Variants in CHMP4B observed in about 807,000 individuals in gnomAD.
The protein encoded by CHMP4B is SNF7 homolog associated with Alix 1.
CHMP4B carries 1 observed loss-of-function variant against 25.1 expected under a neutral mutation model. The observed-to-expected ratio is 0.04, with a 90% CI of 0.01 to 0.19. The LOEUF (loss-of-function observed/expected upper bound fraction) is 0.19, where lower values mean the gene tolerates loss of function less well. Among genes scored for constraint, CHMP4B ranks in the 10% least tolerant of loss-of-function variants. The pLI is 1.00. For synonymous variants in CHMP4B, 101 were observed against 115.6 expected (o/e 0.87, Z 0.81); for missense variants, 151 against 289.7 (o/e 0.52, Z 3.48).
chr20:33,836,110 A>G lies in CHMP4B; in HGVS notation c.191-12357A>G, dbSNP rs58454044. 7.0e-3 allele frequency among the ~76,000 whole-genome samples: 1,067 copies of G among 152,278 alleles called. 12 individuals are homozygous for G. Among genetic ancestry groups the G allele is most frequent in the African/African-American group, 0.025 (1,020 of 41,548 alleles). On this transcript the variant is annotated intron_variant, in intron 1 of 4. Coordinates refer to ENST00000217402, the MANE Select transcript of CHMP4B (RefSeq NM_176812.5). ...CCTTCGCTTTTTAAGCATATAGACTATAGTTATAACTGTTTTCATCTCTTT... is the reference window on the plus strand; with the variant it reads ...CCTTCGCTTTTTAAGCATATAGACTGTAGTTATAACTGTTTTCATCTCTTT...
At chr20:33,834,879 A>G (rs182912544) in intron 1 of CHMP4B, among the ~76,000 whole-genome samples, 192 of 152,170 alleles carry the variant, frequency 1.3e-3, no homozygotes, top group African/African-American at 4.3e-3. Flanking sequence ...AGCTGACTGC[A>G]ATAACCTCCA....
intron 2 of CHMP4B, 22 bp from the exon 3 acceptor site, chr20:33,850,930 T>G: frequency 6.5e-7 from 1 of 1,537,652 alleles, no homozygotes; most frequent in South Asian, 1.1e-5. Flanking sequence ...ATTGATATGA[T>G]ACCTGTCCAT....
At chr20:33,832,493 A>T (rs371581369) in intron 1 of CHMP4B, among the ~76,000 whole-genome samples, 181 of 152,298 alleles carry the variant, frequency 1.2e-3, no homozygotes, top group African/African-American at 4.1e-3. Flanking sequence ...TTTGCTTTTT[A>T]AAATATAACT....
At chr20:33,848,424 C>T (rs371159110) in intron 1 of CHMP4B, 43 bp from the exon 2 acceptor site, 1 of 1,606,528 alleles carries the variant, frequency 6.2e-7, no homozygotes, top group African/African-American at 1.3e-5. Context: ...GAACCTCACC[C>T]TGTGCCGGGA....
At chr20:33,846,174 T>C (rs983921805) in intron 1 of CHMP4B, among the ~76,000 whole-genome samples, 1 of 152,204 alleles carries the variant, frequency 6.6e-6, no homozygotes, top group Non-Finnish European at 1.5e-5. Flanking sequence ...GCAGGGACTT[T>C]GGGGTTCCAT....
At chr20:33,825,511 T>G (rs1038768953) in intron 1 of CHMP4B, among the ~76,000 whole-genome samples, 1 of 152,132 alleles carries the variant, frequency 6.6e-6, no homozygotes, top group Non-Finnish European at 1.5e-5. Flanking sequence ...GGTCTGAAAC[T>G]CTGGGCTTTT....
At chr20:33,830,933 G>GTTTTTTCTTTTTTTT (rs1979223562) in intron 1 of CHMP4B, among the ~76,000 whole-genome samples, 1 of 102,524 alleles carries the variant, frequency 9.8e-6, no homozygotes, top group African/African-American at 3.7e-5. Flanking sequence ...AAGGAACAGA[G>GTTTTTTCTTTTTTTT]TTTTTTTTTT....
In CHMP4B at chr20:33,829,702, A is replaced by G. The variant is rs185270288; in HGVS notation, c.190+18044A>G. On this transcript the variant is annotated intron_variant, in intron 1 of 4. Coordinates refer to ENST00000217402, the MANE Select transcript of CHMP4B (RefSeq NM_176812.5). Reference sequence around the variant, plus strand: ...ATGCACGTACAGCTCTGTAGTTGGTAGGAAAGGAGGAGGCTGTATCCAGAG... The same window carrying G: ...ATGCACGTACAGCTCTGTAGTTGGTGGGAAAGGAGGAGGCTGTATCCAGAG... 9.8e-4 allele frequency among the ~76,000 whole-genome samples: 149 copies of G among 152,358 alleles called. 2 individuals carry two copies. Among genetic ancestry groups the G allele is most frequent in the Non-Finnish European group, 3.5e-4 (24 of 68,038 alleles).
chr20:33,814,954 T>G (rs1978743299), intron 1 of CHMP4B, among the ~76,000 whole-genome samples: 1 of 151,794 alleles, frequency 6.6e-6, no homozygotes, highest in African/African-American at 2.4e-5. Context: ...CTTGGCTGGC[T>G]TTTAAAGCAG....
In CHMP4B at chr20:33,811,457, C is replaced by A. The variant is rs376684391; in HGVS notation, c.-12C>A. The A allele has an allele frequency of 1.8e-4, 269 of 1,510,654 alleles. 1 individual carries two copies. In the African/African-American group the frequency reaches 3.2e-3, roughly 18 times the overall value. The allele number at this position is 1,510,654 out of a possible 1,614,324, so 93.6% of individuals were successfully genotyped here. A position where few individuals can be genotyped will look rare whatever the true frequency, so the allele number is the denominator to read the frequency against. ...GAGCGGGCGGCGAAGGCCGGCGCGG[C>A]GAGCAGCAACCATGTCGGTGTTCGG... On this transcript the variant is annotated 5_prime_UTR_variant, in exon 1 of 5. Coordinates refer to ENST00000217402, the MANE Select transcript of CHMP4B (RefSeq NM_176812.5).
intron 1 of CHMP4B, among the ~76,000 whole-genome samples, chr20:33,827,207 C>CT: frequency 6.6e-6 from 1 of 152,354 alleles, no homozygotes; most frequent in East Asian, 1.9e-4. Context: ...AGTTCAGACT[C>CT]TGTCACTGTA....
chr20:33,847,145 G>T (rs1979710083), intron 1 of CHMP4B, among the ~76,000 whole-genome samples: 1 of 152,146 alleles, frequency 6.6e-6, no homozygotes, highest in Admixed American at 6.5e-5. Context: ...ATGGGAGGGT[G>T]AGGGGAAGAA....
At chr20:33,814,166 G>C (rs1319211378) in intron 1 of CHMP4B, among the ~76,000 whole-genome samples, 1 of 152,178 alleles carries the variant, frequency 6.6e-6, no homozygotes, top group Non-Finnish European at 1.5e-5. Context: ...GAGAGGATGG[G>C]AGCTACTGTA....
Position 33,850,844 on chromosome 20 carries a change from G to T in CHMP4B, c.369-108G>T, listed in dbSNP as rs1979826032. ...ACAGGGAGTCATTGCAGGGGGTGTG[G>T]CTGGGAAGCTGATTTTGTGGGGCCC... On this transcript the variant is annotated intron_variant, in intron 2 of 4. Transcript: ENST00000217402. The T allele has an allele frequency of 1.2e-5, 9 of 770,540 alleles. No individual in the cohort carries two copies. In the South Asian group the frequency reaches 1.3e-4, roughly 11 times the overall value. 47.7% of individuals were successfully genotyped at this position (770,540 alleles called of 1,614,324 possible).
chr20:33,851,112 T>C (rs1747157964), intron 3 of CHMP4B, 46 bp downstream of exon 3: 1 of 1,199,012 alleles, frequency 8.3e-7, no homozygotes, highest in Non-Finnish European at 1.2e-6. Flanking sequence ...AATGATACCC[T>C]GAGGCTGTCC....
chr20:33,846,870 T>G (rs555376032), intron 1 of CHMP4B, among the ~76,000 whole-genome samples: 1 of 152,254 alleles, frequency 6.6e-6, no homozygotes, highest in African/African-American at 2.4e-5. Flanking sequence ...TCTGACAGAG[T>G]CTGTGCTAAG....
chr20:33,841,243 G>T (rs1234182802), intron 1 of CHMP4B, among the ~76,000 whole-genome samples: 3 of 152,184 alleles, frequency 2.0e-5, no homozygotes, highest in African/African-American at 4.8e-5. Flanking sequence ...TTCAGACTCT[G>T]ATTTCCTGGT....
At chr20:33,822,796 CTTTTTTTA>C (rs1394082842) in intron 1 of CHMP4B, among the ~76,000 whole-genome samples, 1 of 152,034 alleles carries the variant, frequency 6.6e-6, no homozygotes. Flanking sequence ...TTCTTTCTTT[CTTTTTTTA>C]TTTTTTTGAG....
chr20:33,826,383 GA>G (rs1474899084), intron 1 of CHMP4B, among the ~76,000 whole-genome samples: 1 of 152,108 alleles, frequency 6.6e-6, no homozygotes, highest in African/African-American at 2.4e-5. Context: ...GGGTATAGAT[GA>G]GGGGTAGTGG....
Sources: gnomAD v4.1 joint callset for allele counts (sites outside exome capture counted in the v4.1 genomes callset) on GRCh38, gnomAD v4.1.1 for gene constraint, MANE v1.5 for transcripts, NCBI Gene and HGNC (gene_info 2026-07-23, HGNC 2026-07-21) for gene names.